Variants in ADAM10 observed in about 807,000 individuals in gnomAD.
ADAM10 encodes ADAM metallopeptidase domain 10, also known as disintegrin and metalloproteinase domain-containing protein 10.
A neutral mutation model predicts 90.1 loss-of-function variants in ADAM10; 17 were observed. That is an observed-to-expected ratio of 0.19 (90% CI 0.13 to 0.28). The LOEUF is 0.28. Ranked by LOEUF, ADAM10 falls within the 10% of genes least tolerant of loss-of-function variation. The pLI, the probability that ADAM10 is intolerant of heterozygous loss-of-function variation, is 1.00. For synonymous variants in ADAM10, 310 were observed against 298.6 expected, an observed-to-expected ratio of 1.04 and a Z score of -0.40; for missense variants, 610 against 914.3, an observed-to-expected ratio of 0.67 and a Z score of 4.29.
At chr15:58,735,234 G>A (rs950580279) in intron 1 of ADAM10, among the ~76,000 whole-genome samples, 23 of 152,010 alleles carry the variant, frequency 1.5e-4, no homozygotes, top group Admixed American at 7.2e-4. Flanking sequence ...CGTTTACTCC[G>A]ATTCCTTATC....
intron 1 of ADAM10, among the ~76,000 whole-genome samples, chr15:58,731,627 CAAAAAAAT>C (rs1243257226): frequency 2.6e-5 from 4 of 151,728 alleles, no homozygotes; most frequent in Non-Finnish European, 4.4e-5. Context: ...GACCCTGTCT[CAAAAAAAT>C]AAAAAAATTA....
At chr15:58,734,487 C>G (rs1595667199) in intron 1 of ADAM10, among the ~76,000 whole-genome samples, 1 of 152,002 alleles carries the variant, frequency 6.6e-6, no homozygotes, top group African/African-American at 2.4e-5. Context: ...TCTGATATGA[C>G]AAAAAACTGA....
intron 14 of ADAM10, among the ~76,000 whole-genome samples, chr15:58,604,329 C>A (rs1255044371): frequency 6.6e-6 from 1 of 152,146 alleles, no homozygotes; most frequent in Non-Finnish European, 1.5e-5. Flanking sequence ...CCACTGCACT[C>A]CAGCCTAGGT....
intron 2 of ADAM10, chr15:58,698,137 G>A: frequency 3.3e-6 from 1 of 304,786 alleles, no homozygotes; most frequent in Non-Finnish European, 6.3e-6. Flanking sequence ...AAATAATTCT[G>A]CAGCAATAGA....
intron 2 of ADAM10, chr15:58,692,951 T>A: frequency 1.4e-6 from 1 of 723,296 alleles, no homozygotes; most frequent in Non-Finnish European, 2.6e-6. Context: ...AAAGTCAGGA[T>A]GCATTCCCGA....
At chr15:58,670,034 T>C (rs1312069334) in intron 4 of ADAM10, among the ~76,000 whole-genome samples, 1 of 152,030 alleles carries the variant, frequency 6.6e-6, no homozygotes, top group Non-Finnish European at 1.5e-5. Flanking sequence ...CTATGATAGT[T>C]TCACAGACAT....
chr15:58,618,567 G>A (rs1895687366), intron 11 of ADAM10, among the ~76,000 whole-genome samples: 2 of 152,152 alleles, frequency 1.3e-5, no homozygotes, highest in South Asian at 2.1e-4. Context: ...AATCAACAGA[G>A]TGAAGAGACG....
chr15:58,701,154 G>A (rs1898126140), intron 2 of ADAM10, among the ~76,000 whole-genome samples: 1 of 147,052 alleles, frequency 6.8e-6, no homozygotes, highest in Admixed American at 6.8e-5. Flanking sequence ...AAAAAAAACA[G>A]AAATAGCCTG....
intron 1 of ADAM10, among the ~76,000 whole-genome samples, chr15:58,720,404 A>T (rs2059623): frequency 0.2 from 8,793 of 44,134 alleles, 319 homozygotes; most frequent in Non-Finnish European, 0.3. Context: ...ATTTTATTTT[A>T]TTTTTTTTTT....
At chr15:58,740,074 G>A (rs1408693461) in intron 1 of ADAM10, among the ~76,000 whole-genome samples, 1 of 152,192 alleles carries the variant, frequency 6.6e-6, no homozygotes, top group Non-Finnish European at 1.5e-5. Context: ...TCTTTCTAGT[G>A]AAGACACAGA....
intron 2 of ADAM10, among the ~76,000 whole-genome samples, chr15:58,689,616 G>A (rs1204240909): frequency 6.6e-6 from 1 of 152,020 alleles, no homozygotes; most frequent in Non-Finnish European, 1.5e-5. Flanking sequence ...CATTGTCAAT[G>A]AAGAATAAAA....
intron 4 of ADAM10, among the ~76,000 whole-genome samples, chr15:58,668,339 A>G (rs1288565702): frequency 3.3e-5 from 5 of 152,194 alleles, no homozygotes; most frequent in Non-Finnish European, 7.4e-5. Context: ...AACTTGTAAC[A>G]TACTAACTTT....
chr15:58,612,065 G>C (rs568909884), intron 11 of ADAM10, 74 bp from the exon 12 acceptor site: 1 of 1,388,712 alleles, frequency 7.2e-7, no homozygotes, highest in African/African-American at 1.4e-5. Flanking sequence ...TATTAGATTA[G>C]ATCCACATTA....
At chr15:58,656,195 G>C (rs570767427) in intron 5 of ADAM10, among the ~76,000 whole-genome samples, 6 of 152,088 alleles carry the variant, frequency 3.9e-5, no homozygotes, top group Non-Finnish European at 7.4e-5. Context: ...CAGTCTATGT[G>C]TATCTTTACA....
intron 4 of ADAM10, among the ~76,000 whole-genome samples, chr15:58,669,048 T>C (rs1043884109): frequency 6.6e-6 from 1 of 152,178 alleles, no homozygotes; most frequent in Non-Finnish European, 1.5e-5. Flanking sequence ...ATAAATCTCC[T>C]AATCATATGT....
intron 4 of ADAM10, chr15:58,676,068 C>G: frequency 3.9e-6 from 1 of 256,612 alleles, no homozygotes; most frequent in South Asian, 4.0e-5. Context: ...AAAATAAACA[C>G]TGCTAAATAT....
chr15:58,681,978 C>T (rs1897454545), intron 3 of ADAM10, among the ~76,000 whole-genome samples: 1 of 152,084 alleles, frequency 6.6e-6, no homozygotes, highest in Non-Finnish European at 1.5e-5. Flanking sequence ...AATTTCACCC[C>T]TTTCAGAAGC....
intron 1 of ADAM10, among the ~76,000 whole-genome samples, chr15:58,745,090 G>A (rs1899747769): frequency 6.6e-6 from 1 of 152,226 alleles, no homozygotes; most frequent in South Asian, 2.1e-4. Flanking sequence ...GGCTGAGGCA[G>A]AAGAATCGCT....
At chr15:58,632,485 T>C (rs1459285990) in intron 9 of ADAM10, among the ~76,000 whole-genome samples, 1 of 152,186 alleles carries the variant, frequency 6.6e-6, no homozygotes, top group African/African-American at 2.4e-5. Flanking sequence ...TAAGAATGGC[T>C]TTTCCATATT....
Sources: allele counts gnomAD v4.1 joint callset (sites outside exome capture counted in the v4.1 genomes callset), GRCh38; gene constraint gnomAD v4.1.1; transcripts MANE v1.5; gene names NCBI Gene and HGNC (gene_info 2026-07-23, HGNC 2026-07-21).